Variants in NOL4L observed in about 807,000 individuals in gnomAD.
NOL4L encodes the protein nucleolar protein 4-like.
Under a neutral mutation model 64.5 loss-of-function variants are expected in NOL4L, and 7 were observed. The observed-to-expected ratio is 0.11, with a 90% CI of 0.06 to 0.20. NOL4L has a LOEUF of 0.20. NOL4L is among the 10% of genes least tolerant of loss of function. The probability of loss-of-function intolerance (pLI) is 1.00; values close to 1 mark genes in which losing one functional copy is unlikely to be tolerated. For synonymous variants in NOL4L, 413 were observed against 401.0 expected (o/e 1.03, Z -0.36); for missense variants, 680 against 967.1 (o/e 0.70, Z 3.94).
intron 4 of NOL4L, among the ~76,000 whole-genome samples, chr20:32,482,346 A>AAT (rs1050156822): frequency 1.3e-5 from 2 of 152,110 alleles, no homozygotes; most frequent in Non-Finnish European, 2.9e-5. Context: ...TACAGGAATA[A>AAT]TGCTAATTAG....
At chr20:32,555,188 G>A (rs1978570942) in intron 1 of NOL4L, among the ~76,000 whole-genome samples, 1 of 152,084 alleles carries the variant, frequency 6.6e-6, no homozygotes, top group African/African-American at 2.4e-5. Flanking sequence ...ACTTCTACTT[G>A]ATCTTCAGGC....
At chr20:32,465,885 C>T (rs1424159462) in intron 5 of NOL4L, among the ~76,000 whole-genome samples, 2 of 152,176 alleles carry the variant, frequency 1.3e-5, no homozygotes, top group Admixed American at 6.5e-5. Flanking sequence ...CAGGATGGAG[C>T]TCTGTATGTG....
chr20:32,556,846 G>A (rs899819923), intron 1 of NOL4L, among the ~76,000 whole-genome samples: 4 of 152,200 alleles, frequency 2.6e-5, no homozygotes, highest in African/African-American at 4.8e-5. Context: ...AGAGCTGGAC[G>A]TGCCGGAGCC....
chr20:32,544,128 G>C (rs1349643509), intron 1 of NOL4L, among the ~76,000 whole-genome samples: 1 of 152,114 alleles, frequency 6.6e-6, no homozygotes, highest in Non-Finnish European at 1.5e-5. Context: ...CCATCCAGAG[G>C]ATATTTTTAA....
chr20:32,513,883 G>A (rs1270475418), intron 3 of NOL4L, among the ~76,000 whole-genome samples: 1 of 152,122 alleles, frequency 6.6e-6, no homozygotes, highest in Non-Finnish European at 1.5e-5. Context: ...TATTAAAAAG[G>A]CAAGTTTTTG....
chr20:32,540,066 C>T (rs1255312078), intron 1 of NOL4L, among the ~76,000 whole-genome samples: 1 of 152,200 alleles, frequency 6.6e-6, no homozygotes, highest in East Asian at 1.9e-4. Context: ...CAGCTTGCCT[C>T]GGGTGTGAAC....
At chr20:32,495,335 G>A (rs1439181666) in intron 4 of NOL4L, among the ~76,000 whole-genome samples, 5 of 152,226 alleles carry the variant, frequency 3.3e-5, no homozygotes, top group African/African-American at 1.2e-4. Context: ...ATCTGTCGAG[G>A]AGGCTGCTTG....
intron 1 of NOL4L, among the ~76,000 whole-genome samples, chr20:32,559,120 GC>G (rs1316804628): frequency 6.6e-6 from 1 of 152,144 alleles, no homozygotes; most frequent in Non-Finnish European, 1.5e-5. Flanking sequence ...GCCTTCCCTG[GC>G]CCCCAGGCAT....
In NOL4L at chr20:32,585,327, T is replaced by G. The variant is rs995588179; in HGVS notation, c.-437A>C. Among the ~76,000 whole-genome samples the G allele has an allele frequency of 6.7e-6, 1 of 149,124 alleles. No homozygotes were observed. The highest frequency in any genetic ancestry group is 1.5e-5 in the Non-Finnish European group (1 of 66,764). On this transcript the variant is annotated 5_prime_UTR_variant, in exon 1 of 11. Coordinates refer to ENST00000621426, the MANE Select transcript of NOL4L (RefSeq NM_001256798.2). The stretch of plus-strand genomic sequence containing the variant: ...GGCTGTCAGCTTGCGCGGCTCATCC[T>G]GCTCTTGCTCAGGCTCCCGCTGCCG...
At chr20:32,486,777 T>A (rs1040900018) in intron 4 of NOL4L, 10 of 471,146 alleles carry the variant, frequency 2.1e-5, no homozygotes, top group Non-Finnish European at 4.4e-5. Flanking sequence ...CCAGACATGA[T>A]GTCCTCGGCT....
intron 1 of NOL4L, among the ~76,000 whole-genome samples, chr20:32,528,407 C>T (rs2018217753): frequency 6.6e-6 from 1 of 152,246 alleles, no homozygotes; most frequent in Non-Finnish European, 1.5e-5. Flanking sequence ...TTCTGAAAAG[C>T]TTTTCGCGGC....
intron 4 of NOL4L, among the ~76,000 whole-genome samples, chr20:32,496,607 G>A (rs2145528244): frequency 6.6e-6 from 1 of 151,808 alleles, no homozygotes; most frequent in South Asian, 2.1e-4. Flanking sequence ...CTGGAGTACA[G>A]TGGCATGATC....
intron 6 of NOL4L, among the ~76,000 whole-genome samples, chr20:32,454,436 C>T (rs1479843861): frequency 6.6e-6 from 1 of 152,192 alleles, no homozygotes; most frequent in Non-Finnish European, 1.5e-5. Context: ...CCGGCCTCCC[C>T]CAGCAGTCTC....
chr20:32,476,420 G>A (rs111846647), intron 4 of NOL4L, among the ~76,000 whole-genome samples: 1 of 152,178 alleles, frequency 6.6e-6, no homozygotes, highest in Non-Finnish European at 1.5e-5. Flanking sequence ...CGTGCCATGC[G>A]GGCTCCGGGA....
chr20:32,525,433 G>A (rs1568687025), intron 2 of NOL4L, among the ~76,000 whole-genome samples: 1 of 152,240 alleles, frequency 6.6e-6, no homozygotes, highest in Non-Finnish European at 1.5e-5. Flanking sequence ...GGCTCTGAAT[G>A]TCAGCTGACT....
intron 1 of NOL4L, among the ~76,000 whole-genome samples, chr20:32,559,745 G>A (rs960876442): frequency 3.3e-5 from 5 of 152,216 alleles, no homozygotes; most frequent in Non-Finnish European, 4.4e-5. Context: ...ACTGAGGTTT[G>A]TCTGTAACGG....
chr20:32,443,465 TTAA>T lies in NOL4L; in HGVS notation c.*4128_*4130del, dbSNP rs1161425410. 6.6e-6 allele frequency: 1 copy of T among 152,240 alleles called. No homozygotes were observed. The highest frequency in any genetic ancestry group is 1.5e-5 in the Non-Finnish European group (1 of 68,038). The allele number at this position is 152,240 out of a possible 1,614,324, so 9.4% of individuals were successfully genotyped here. On this transcript the variant is annotated 3_prime_UTR_variant, in exon 11 of 11. Transcript: ENST00000621426. Reference sequence around the variant, plus strand: ...AAAATATAATTTAGAGGTGAAGCCATTAATAGAGTCACCTTTAAAAGTTGGTGC... The same window carrying T: ...AAAATATAATTTAGAGGTGAAGCCATTAGAGTCACCTTTAAAAGTTGGTGC...
At position 32,447,502 on chromosome 20, in the gene NOL4L, A is replaced by G; in HGVS notation, c.*94T>C. ...AGCTCTTTTGGATCCCACCTCTTTCAAAAACAAAATGTACCAACTGGTGAG... is the reference window on the plus strand; with the variant it reads ...AGCTCTTTTGGATCCCACCTCTTTCGAAAACAAAATGTACCAACTGGTGAG... On this transcript the variant is annotated 3_prime_UTR_variant, in exon 11 of 11. Coordinates refer to ENST00000621426, the MANE Select transcript of NOL4L (RefSeq NM_001256798.2). 3 of 1,494,160 alleles carry G rather than the reference A, an allele frequency of 2.0e-6. No individual in the cohort carries two copies. The highest frequency in any genetic ancestry group is 2.7e-6 in the Non-Finnish European group (3 of 1,131,718). 92.6% of individuals were successfully genotyped at this position (1,494,160 alleles called of 1,614,324 possible).
rs71299231 is a variant in NOL4L, at chr20:32,446,228, T to TATCA, written c.*1364_*1367dup. On this transcript the variant is annotated 3_prime_UTR_variant, in exon 11 of 11. Coordinates refer to ENST00000621426, the MANE Select transcript of NOL4L (RefSeq NM_001256798.2). ...ATTGCACTGAGCAAGAGGAAGTGCCTATCAATCAATCAATCAGGGAGGAAG... is the reference window on the plus strand; with the variant it reads ...ATTGCACTGAGCAAGAGGAAGTGCCTATCAATCAATCAATCAATCAGGGAGGAAG... 51,941 of 151,818 alleles carry TATCA rather than the reference T, an allele frequency of 0.34. 10,053 individuals are homozygous for TATCA. The highest frequency in any genetic ancestry group is 0.73 in the East Asian group (3,719 of 5,086). The allele number at this position is 151,818 out of a possible 1,614,324, so 9.4% of individuals were successfully genotyped here.
Sources: allele counts gnomAD v4.1 joint callset (sites outside exome capture counted in the v4.1 genomes callset), GRCh38; gene constraint gnomAD v4.1.1; transcripts MANE v1.5; gene names NCBI Gene and HGNC (gene_info 2026-07-23, HGNC 2026-07-21).